Variants in MTOR observed in about 807,000 individuals in gnomAD.
MTOR encodes mechanistic target of rapamycin kinase, also known as serine/threonine-protein kinase mTOR.
In MTOR, 70 loss-of-function variants were observed where a neutral mutation model predicts 319.8. That is an observed-to-expected ratio of 0.22 (90% CI 0.18 to 0.27). The LOEUF is 0.27. MTOR is among the 10% of genes least tolerant of loss of function. MTOR has a pLI of 1.00. For missense variants in MTOR, 1,890 were observed against 3,274.4 expected (o/e 0.58, Z 10.32); for synonymous variants, 1,183 against 1,211.4 (o/e 0.98, Z 0.49).
intron 5 of MTOR, among the ~76,000 whole-genome samples, chr1:11,254,583 C>A (rs950171114): frequency 5.2e-5 from 6 of 116,262 alleles, no homozygotes; most frequent in African/African-American, 1.5e-4. Flanking sequence ...ATCTCCCAAT[C>A]CCATGTTCAG....
intron 29 of MTOR, among the ~76,000 whole-genome samples, chr1:11,161,162 C>T (rs1045561089): frequency 3.9e-5 from 6 of 152,210 alleles, no homozygotes; most frequent in Admixed American, 6.5e-5. Flanking sequence ...CAGAGGGTCC[C>T]ACGCCCACGG....
chr1:11,189,421 G>C (rs889704493), intron 28 of MTOR: 2 of 914,862 alleles, frequency 2.2e-6, no homozygotes, highest in Admixed American at 4.7e-5. Context: ...CTTTGAGAAA[G>C]GCTAGCAAAG....
intron 19 of MTOR, among the ~76,000 whole-genome samples, chr1:11,219,893 C>T (rs1646601413): frequency 6.6e-6 from 1 of 151,570 alleles, no homozygotes; most frequent in Non-Finnish European, 1.5e-5. Flanking sequence ...AATTAGCCAG[C>T]ATGGTGGTGC....
chr1:11,114,484 G>A (rs2100318066), intron 52 of MTOR, 31 bp from the exon 53 acceptor site: 1 of 1,613,116 alleles, frequency 6.2e-7, no homozygotes, highest in East Asian at 2.2e-5. Flanking sequence ...CTCACCACAG[G>A]AGTTACTAAC....
At chr1:11,192,476 C>T in intron 28 of MTOR, 1 of 991,188 alleles carries the variant, frequency 1.0e-6, no homozygotes, top group Non-Finnish European at 1.5e-6. Flanking sequence ...GAAAATTCGG[C>T]TGGGCGCAGT....
chr1:11,191,870 T>G (rs1645546779), intron 28 of MTOR, among the ~76,000 whole-genome samples: 1 of 152,214 alleles, frequency 6.6e-6, no homozygotes, highest in Non-Finnish European at 1.5e-5. Flanking sequence ...CTATGAGATA[T>G]TCACGACTGA....
chr1:11,225,722 G>C (rs762397458), intron 19 of MTOR, among the ~76,000 whole-genome samples: 4 of 152,042 alleles, frequency 2.6e-5, no homozygotes, highest in Non-Finnish European at 5.9e-5. Context: ...GCACCTGGCC[G>C]ATAGTTGCTT....
chr1:11,239,735 T>C (rs1647732992), intron 11 of MTOR, among the ~76,000 whole-genome samples: 1 of 151,862 alleles, frequency 6.6e-6, no homozygotes, highest in Non-Finnish European at 1.5e-5. Context: ...TGAAACCCCA[T>C]CTCTACCAAA....
At chr1:11,254,629 C>A (rs1423549511) in intron 5 of MTOR, among the ~76,000 whole-genome samples, 1 of 152,158 alleles carries the variant, frequency 6.6e-6, no homozygotes, top group Non-Finnish European at 1.5e-5. Context: ...CTGATAAGTT[C>A]CCTCTGCAGC....
At chr1:11,159,819 T>A (rs1332458193) in intron 29 of MTOR, among the ~76,000 whole-genome samples, 1 of 152,166 alleles carries the variant, frequency 6.6e-6, no homozygotes, top group East Asian at 1.9e-4. Flanking sequence ...CAAACCACAG[T>A]AAGCAACCTA....
chr1:11,185,245 G>A (rs1023507968), intron 28 of MTOR, among the ~76,000 whole-genome samples: 4 of 148,982 alleles, frequency 2.7e-5, no homozygotes, highest in Admixed American at 2.0e-4. Context: ...AGAAATCAGA[G>A]AGACTTTTTT....
At chr1:11,155,361 T>G (rs1016516410) in intron 30 of MTOR, among the ~76,000 whole-genome samples, 3 of 151,996 alleles carry the variant, frequency 2.0e-5, no homozygotes, top group African/African-American at 7.2e-5. Context: ...CAGGATATAC[T>G]ACCCTGAAAT....
In MTOR at chr1:11,109,384, A is replaced by C. The variant is rs1641740642; in HGVS notation, c.7448-14T>G. 6.2e-7 allele frequency: 1 copy of C among 1,611,326 alleles called. No individual in the cohort carries two copies. Among genetic ancestry groups the C allele is most frequent in the East Asian group, 2.2e-5 (1 of 44,878 alleles). Reference sequence around the variant, plus strand: ...AACCGTCTCCAACTGGAATACACAAAAGTAGAAATAACTGTAAGAATGGGA... The same window carrying C: ...AACCGTCTCCAACTGGAATACACAACAGTAGAAATAACTGTAAGAATGGGA... On this transcript the variant is annotated splice_polypyrimidine_tract_variant and intron_variant, in intron 55 of 57. Transcript: ENST00000361445. The surrounding 1 kb of genome is among the most constrained non-coding windows in gnomAD (Gnocchi z 4.0).
chr1:11,186,946 T>C (rs2100689541), intron 28 of MTOR, among the ~76,000 whole-genome samples: 1 of 152,308 alleles, frequency 6.6e-6, no homozygotes, highest in African/African-American at 2.4e-5. Context: ...GAAATAAGTT[T>C]CCAGAAAATA....
At chr1:11,252,277 AT>A (rs895815689) in intron 6 of MTOR, among the ~76,000 whole-genome samples, 27 of 149,570 alleles carry the variant, frequency 1.8e-4, no homozygotes, top group Admixed American at 1.1e-3. Context: ...TTTTTCCTTG[AT>A]TTTTTTTTTC....
At chr1:11,122,658 A>C (rs536955175) in intron 47 of MTOR, among the ~76,000 whole-genome samples, 5 of 151,730 alleles carry the variant, frequency 3.3e-5, no homozygotes, top group South Asian at 4.2e-4. Context: ...CAGATGCACA[A>C]CACCACACCC....
chr1:11,230,901 C>T (rs778329468), intron 18 of MTOR, 24 bp downstream of exon 18: 12 of 1,613,094 alleles, frequency 7.4e-6, no homozygotes, highest in African/African-American at 6.7e-5. Flanking sequence ...CTTGGCAAGT[C>T]TTTCATGGCT....
intron 46 of MTOR, among the ~76,000 whole-genome samples, chr1:11,124,951 A>T (rs997837831): frequency 6.6e-6 from 1 of 152,176 alleles, no homozygotes; most frequent in Non-Finnish European, 1.5e-5. Flanking sequence ...TGACTCCTAC[A>T]AGCCGCATCA....
At chr1:11,242,094 C>T (rs578053966) in intron 9 of MTOR, among the ~76,000 whole-genome samples, 4 of 151,912 alleles carry the variant, frequency 2.6e-5, no homozygotes, top group African/African-American at 9.6e-5. Context: ...CCAGGCGCAG[C>T]GACTCACGCC....
Sources: allele counts gnomAD v4.1 joint callset (sites outside exome capture counted in the v4.1 genomes callset), GRCh38; gene constraint gnomAD v4.1.1; non-coding constraint Gnocchi (gnomAD v3.1); transcripts MANE v1.5; gene names NCBI Gene and HGNC (gene_info 2026-07-23, HGNC 2026-07-21).